IQCM: variants seen among roughly 807,000 people sequenced by gnomAD.
IQCM encodes the protein IQ motif containing M.
IQCM carries 45 observed loss-of-function variants against 57.6 expected under a neutral mutation model. That is an observed-to-expected ratio of 0.78 (90% confidence interval 0.62 to 1.00). IQCM has a LOEUF of 1.00. IQCM is among the 50% of genes least tolerant of loss of function. The pLI, the probability that IQCM is intolerant of heterozygous loss-of-function variation, is 0.00. For missense variants in IQCM, 468 were observed against 511.6 expected, an observed-to-expected ratio of 0.91 and a Z score of 0.82; for synonymous variants, 148 against 158.9, an observed-to-expected ratio of 0.93 and a Z score of 0.51.
intron 12 of IQCM, among the ~76,000 whole-genome samples, chr4:149,467,839 G>C (rs1323913410): frequency 6.6e-6 from 1 of 152,158 alleles, no homozygotes; most frequent in Non-Finnish European, 1.5e-5. Context: ...TTCAGATCTA[G>C]TGTTGCTGCC....
intron 12 of IQCM, among the ~76,000 whole-genome samples, chr4:149,436,240 G>A (rs1041688890): frequency 2.0e-5 from 3 of 152,050 alleles, no homozygotes; most frequent in Non-Finnish European, 4.4e-5. Flanking sequence ...CCTTACCACT[G>A]TGTTACAATT....
chr4:149,560,465 A>G (rs936024159), intron 10 of IQCM, among the ~76,000 whole-genome samples: 1 of 152,172 alleles, frequency 6.6e-6, no homozygotes, highest in Admixed American at 6.5e-5. Context: ...ATATTTAGAG[A>G]AAAATATTGA....
intron 11 of IQCM, 82 bp from the exon 12 acceptor site, chr4:149,548,671 G>T: frequency 1.5e-6 from 1 of 657,614 alleles, no homozygotes; most frequent in Non-Finnish European, 2.2e-6. Flanking sequence ...TTATTTTCCT[G>T]TCTACCAGTA....
intron 8 of IQCM, among the ~76,000 whole-genome samples, chr4:149,619,460 C>G (rs12503832): frequency 0.22 from 33,710 of 151,824 alleles, 4,371 homozygotes; most frequent in South Asian, 0.48. Flanking sequence ...ACTGCACTAT[C>G]CCTAAATCTA....
At chr4:149,656,566 T>C (rs1484396628) in intron 7 of IQCM, among the ~76,000 whole-genome samples, 2 of 152,144 alleles carry the variant, frequency 1.3e-5, no homozygotes, top group Non-Finnish European at 2.9e-5. Context: ...TAAATTTTAT[T>C]ATTTTAAAAA....
At chr4:149,414,316 G>C (rs553563111) in intron 13 of IQCM, among the ~76,000 whole-genome samples, 15 of 152,212 alleles carry the variant, frequency 9.9e-5, no homozygotes, top group Admixed American at 4.6e-4. Context: ...CTTCATAAAA[G>C]ATGATTTTGC....
chr4:149,621,616 CCT>C (rs1279151667), intron 7 of IQCM, among the ~76,000 whole-genome samples: 4 of 152,008 alleles, frequency 2.6e-5, no homozygotes, highest in Admixed American at 1.3e-4. Context: ...AAAAGGAAAA[CCT>C]CTCTGTGTTA....
chr4:149,648,826 A>G (rs1758891329), intron 7 of IQCM, among the ~76,000 whole-genome samples: 1 of 152,166 alleles, frequency 6.6e-6, no homozygotes, highest in African/African-American at 2.4e-5. Context: ...GCAGCACACC[A>G]ACATGGCACA....
At chr4:149,577,488 A>T (rs1751770125) in intron 9 of IQCM, among the ~76,000 whole-genome samples, 1 of 152,030 alleles carries the variant, frequency 6.6e-6, no homozygotes, top group Admixed American at 6.6e-5. Context: ...TGAATAGGGA[A>T]TCCTTTCCCC....
intron 2 of IQCM, among the ~76,000 whole-genome samples, chr4:149,781,196 T>G (rs1771572120): frequency 6.6e-6 from 1 of 152,194 alleles, no homozygotes; most frequent in Non-Finnish European, 1.5e-5. Flanking sequence ...CCTGAACTAT[T>G]GTATACAGTA....
At chr4:149,468,239 T>C (rs918503872) in intron 12 of IQCM, among the ~76,000 whole-genome samples, 20 of 152,244 alleles carry the variant, frequency 1.3e-4, no homozygotes, top group African/African-American at 4.8e-4. Flanking sequence ...AGGGAAGCCA[T>C]GACCAACAGT....
At chr4:149,536,422 T>C (rs182819550) in intron 12 of IQCM, among the ~76,000 whole-genome samples, 112 of 152,164 alleles carry the variant, frequency 7.4e-4, no homozygotes, top group African/African-American at 2.5e-3. Context: ...TCTAATCTGC[T>C]TTGCACATTA....
intron 5 of IQCM, among the ~76,000 whole-genome samples, chr4:149,702,318 A>ACG (rs1336591100): frequency 1.3e-5 from 2 of 151,542 alleles, no homozygotes; most frequent in Non-Finnish European, 2.9e-5. Flanking sequence ...ACACACACAC[A>ACG]CACACACACA....
intron 12 of IQCM, among the ~76,000 whole-genome samples, chr4:149,469,532 A>C (rs903553333): frequency 1.3e-5 from 2 of 152,222 alleles, no homozygotes; most frequent in African/African-American, 4.8e-5. Context: ...GAATGGAAGC[A>C]AGTTGGAAAA....
intron 8 of IQCM, among the ~76,000 whole-genome samples, chr4:149,618,742 C>T (rs1296858884): frequency 6.6e-6 from 1 of 152,134 alleles, no homozygotes; most frequent in South Asian, 2.1e-4. Context: ...AAATGCTCCA[C>T]ATCACTAATC....
At chr4:149,743,871 A>G (rs535008336) in intron 2 of IQCM, among the ~76,000 whole-genome samples, 18 of 152,328 alleles carry the variant, frequency 1.2e-4, no homozygotes, top group Non-Finnish European at 1.9e-4. Context: ...ATACTACTAC[A>G]TGCTCAAATG....
At chr4:149,721,895 T>C (rs1002156399) in intron 5 of IQCM, among the ~76,000 whole-genome samples, 3 of 152,138 alleles carry the variant, frequency 2.0e-5, no homozygotes, top group Non-Finnish European at 4.4e-5. Flanking sequence ...GTTGTACCAG[T>C]TGACATTTCC....
At chr4:149,529,766 G>A (rs1220190455) in intron 12 of IQCM, among the ~76,000 whole-genome samples, 4 of 152,106 alleles carry the variant, frequency 2.6e-5, no homozygotes, top group Admixed American at 2.6e-4. Context: ...AGTGGCAATA[G>A]CTTCCCAGCC....
At chr4:149,383,162 A>C (rs1731195725) in intron 13 of IQCM, among the ~76,000 whole-genome samples, 1 of 152,130 alleles carries the variant, frequency 6.6e-6, no homozygotes, top group African/African-American at 2.4e-5. Flanking sequence ...TCATACTCTA[A>C]GATTTTGATG....
Sources: allele counts gnomAD v4.1 joint callset (sites outside exome capture counted in the v4.1 genomes callset), GRCh38; gene constraint gnomAD v4.1.1; transcripts MANE v1.5; gene names NCBI Gene and HGNC (gene_info 2026-07-23, HGNC 2026-07-21).